Variants in BLTP3A observed in about 807,000 individuals in gnomAD.
BLTP3A encodes bridge-like lipid transfer protein family member 3A.
At chr6:34,863,294 A>T in the BLTP3A span, among the ~76,000 whole-genome samples, 1 of 152,028 alleles carries the variant, frequency 6.6e-6, no homozygotes, top group Non-Finnish European at 1.5e-5. Flanking sequence ...AAGGTCCTTA[A>T]AGGTTTCTTT....
At chr6:34,872,307 C>T in the BLTP3A span, 1 of 1,601,650 alleles carries the variant, frequency 6.2e-7, no homozygotes, top group Non-Finnish European at 8.5e-7. Flanking sequence ...ACTTATTGTT[C>T]CTCAGGTGAA....
At chr6:34,876,517 TTC>T in the BLTP3A span, 5 of 152,226 alleles carry the variant, frequency 3.3e-5, no homozygotes, top group African/African-American at 4.8e-5. Flanking sequence ...TGGCTTTTTT[TTC>T]TCTCAATATT....
At chr6:34,872,405 G>C in the BLTP3A span, 1 of 1,612,680 alleles carries the variant, frequency 6.2e-7, no homozygotes. Context: ...TTCTTCAGGA[G>C]ATTAGGAAAT....
chr6:34,814,217 G>C, the BLTP3A span, among the ~76,000 whole-genome samples: 1 of 152,100 alleles, frequency 6.6e-6, no homozygotes, highest in African/African-American at 2.4e-5. Flanking sequence ...GTTTCACCAT[G>C]TTGCCCAGGC....
the BLTP3A span, among the ~76,000 whole-genome samples, chr6:34,795,038 C>T: frequency 6.6e-6 from 1 of 151,900 alleles, no homozygotes; most frequent in African/African-American, 2.4e-5. Flanking sequence ...CCACCTGCCT[C>T]GGCCTCCCAA....
chr6:34,821,293 G>A, the BLTP3A span, among the ~76,000 whole-genome samples: 3 of 152,296 alleles, frequency 2.0e-5, no homozygotes, highest in Admixed American at 6.5e-5. Flanking sequence ...CAGAAATACC[G>A]AAAGACTACA....
chr6:34,862,214 A>G, the BLTP3A span, among the ~76,000 whole-genome samples: 2 of 151,660 alleles, frequency 1.3e-5, no homozygotes, highest in Non-Finnish European at 2.9e-5. Flanking sequence ...CGTCTCTACT[A>G]AAAATACAAA....
chr6:34,868,810 G>A, the BLTP3A span, among the ~76,000 whole-genome samples: 1 of 151,612 alleles, frequency 6.6e-6, no homozygotes, highest in Non-Finnish European at 1.5e-5. Context: ...TGGATCATGT[G>A]AGTCTAGGAG....
the BLTP3A span, among the ~76,000 whole-genome samples, chr6:34,824,829 CCTGG>C: frequency 3.6e-4 from 54 of 151,668 alleles, 1 homozygote; most frequent in Non-Finnish European, 5.2e-4. Flanking sequence ...CCACACCACA[CCTGG>C]CTGATTTTTG....
chr6:34,812,579 C>T, the BLTP3A span, among the ~76,000 whole-genome samples: 3 of 152,036 alleles, frequency 2.0e-5, no homozygotes, highest in African/African-American at 4.8e-5. Flanking sequence ...ATCCTCCCAC[C>T]CCAGCTCTTG....
At chr6:34,830,090 G>C in the BLTP3A span, among the ~76,000 whole-genome samples, 5 of 151,996 alleles carry the variant, frequency 3.3e-5, no homozygotes, top group Non-Finnish European at 5.9e-5. Context: ...TGGGATTACA[G>C]GTGTGAGCTA....
the BLTP3A span, chr6:34,834,081 A>T: frequency 0.073 from 69,360 of 950,072 alleles, 3,686 homozygotes; most frequent in East Asian, 0.28. Context: ...CAGCTTGGGT[A>T]ACAGAGCAAG....
chr6:34,800,186 C>T, the BLTP3A span, among the ~76,000 whole-genome samples: 1 of 152,046 alleles, frequency 6.6e-6, no homozygotes, highest in African/African-American at 2.4e-5. Context: ...TTTACTTATA[C>T]AGCGTCTAAG....
chr6:34,798,706 A>G, the BLTP3A span, among the ~76,000 whole-genome samples: 5 of 150,780 alleles, frequency 3.3e-5, no homozygotes, highest in Admixed American at 2.0e-4. Context: ...TCACAAGCAT[A>G]TATCAGAACC....
chr6:34,857,016 T>G, the BLTP3A span: 1 of 1,496,828 alleles, frequency 6.7e-7, no homozygotes. Context: ...GTTTTGGAAT[T>G]TGGGGACTAT....
At chr6:34,799,090 C>T in the BLTP3A span, among the ~76,000 whole-genome samples, 9 of 152,016 alleles carry the variant, frequency 5.9e-5, no homozygotes, top group South Asian at 4.2e-4. Flanking sequence ...TATAGGTGCC[C>T]GCCACCAGGC....
chr6:34,866,813 C>G, the BLTP3A span, among the ~76,000 whole-genome samples: 1 of 152,214 alleles, frequency 6.6e-6, no homozygotes, highest in African/African-American at 2.4e-5. Flanking sequence ...TTAGGTACCT[C>G]ATATAAGTGG....
the BLTP3A span, chr6:34,835,499 G>C: frequency 2.0e-5 from 32 of 1,601,988 alleles, no homozygotes; most frequent in Admixed American, 5.6e-4. Flanking sequence ...AGTGGGGCTA[G>C]GGACTCAGTA....
chr6:34,803,001 C>G, the BLTP3A span, among the ~76,000 whole-genome samples: 7 of 151,858 alleles, frequency 4.6e-5, no homozygotes, highest in Non-Finnish European at 2.9e-5. Context: ...CATGGTGAAA[C>G]CCGTCTCTAC....
Sources: allele counts gnomAD v4.1 joint callset (sites outside exome capture counted in the v4.1 genomes callset), GRCh38; gene constraint gnomAD v4.1.1; transcripts MANE v1.5; gene names NCBI Gene and HGNC (gene_info 2026-07-23, HGNC 2026-07-21).